Variants in NTRK2 observed in about 807,000 individuals in gnomAD.
NTRK2 encodes the protein neurotrophic receptor tyrosine kinase 2, also known as BDNF/NT-3 growth factors receptor.
NTRK2 carries 13 observed loss-of-function variants against 94.5 expected under a neutral mutation model. The observed-to-expected ratio is 0.14, with a 90% CI of 0.09 to 0.22. The LOEUF (loss-of-function observed/expected upper bound fraction) is 0.22. Ranked by LOEUF, NTRK2 falls within the 10% of genes least tolerant of loss-of-function variation. The probability of loss-of-function intolerance (pLI) is 1.00; values close to 1 mark genes in which losing one functional copy is unlikely to be tolerated. For synonymous variants in NTRK2, 372 were observed against 407.4 expected (o/e 0.91, Z 1.05); for missense variants, 639 against 1,071.2 (o/e 0.60, Z 5.63).
chr9:84,739,755 C>G (rs2132272839), intron 9 of NTRK2, among the ~76,000 whole-genome samples: 1 of 152,316 alleles, frequency 6.6e-6, no homozygotes, highest in South Asian at 2.1e-4. Context: ...AAAAAGCCCT[C>G]AGTCCTGGGC....
chr9:84,996,298 A>G (rs1829741574), intron 17 of NTRK2, among the ~76,000 whole-genome samples: 1 of 152,242 alleles, frequency 6.6e-6, no homozygotes, highest in Non-Finnish European at 1.5e-5. Flanking sequence ...AAGACTTGGC[A>G]GTGACCTCCA....
chr9:84,707,283 G>A (rs1008757946), intron 4 of NTRK2, among the ~76,000 whole-genome samples: 25 of 152,108 alleles, frequency 1.6e-4, no homozygotes, highest in African/African-American at 6.0e-4. Context: ...CCTAATTTTT[G>A]TTTGTTCTCA....
intron 12 of NTRK2, among the ~76,000 whole-genome samples, chr9:84,784,277 G>C (rs2067906183): frequency 6.6e-6 from 1 of 152,182 alleles, no homozygotes; most frequent in South Asian, 2.1e-4. Context: ...TACAAATAAT[G>C]CATAGTGATC....
At chr9:84,717,057 T>C (rs2061752024) in intron 6 of NTRK2, among the ~76,000 whole-genome samples, 1 of 152,260 alleles carries the variant, frequency 6.6e-6, no homozygotes, top group Non-Finnish European at 1.5e-5. Context: ...AGGGTTTTAG[T>C]ATTCTGTTGA....
chr9:84,935,848 A>G, intron 15 of NTRK2, among the ~76,000 whole-genome samples: 1 of 152,302 alleles, frequency 6.6e-6, no homozygotes, highest in Non-Finnish European at 1.5e-5. Context: ...TTTTCTTCTT[A>G]CTGTATCTTT....
At chr9:84,854,218 A>C (rs2074944536) in intron 12 of NTRK2, among the ~76,000 whole-genome samples, 2 of 152,020 alleles carry the variant, frequency 1.3e-5, no homozygotes, top group African/African-American at 4.8e-5. Context: ...GGATGGGATA[A>C]CTCTAAGGTT....
intron 9 of NTRK2, among the ~76,000 whole-genome samples, chr9:84,730,695 C>T (rs1162756504): frequency 5.1e-5 from 6 of 117,098 alleles, no homozygotes; most frequent in Admixed American, 8.8e-5. Flanking sequence ...GAGCCGAGAT[C>T]GCACCACTGC....
chr9:84,673,659 T>C (rs1019720521), intron 2 of NTRK2, among the ~76,000 whole-genome samples: 2 of 152,118 alleles, frequency 1.3e-5, no homozygotes, highest in Non-Finnish European at 2.9e-5. Context: ...TTAAAAAAAA[T>C]GTGTAGATTA....
intron 12 of NTRK2, among the ~76,000 whole-genome samples, chr9:84,764,779 G>A (rs905585700): frequency 5.3e-5 from 8 of 152,146 alleles, no homozygotes; most frequent in African/African-American, 1.9e-4. Flanking sequence ...TTGCAGCACT[G>A]TTCACAATAG....
intron 17 of NTRK2, among the ~76,000 whole-genome samples, chr9:84,982,104 A>G (rs1827698044): frequency 6.6e-6 from 1 of 152,218 alleles, no homozygotes. Context: ...TTTATTGGGT[A>G]GAATTATATT....
At chr9:84,719,021 T>A (rs2061889560) in intron 6 of NTRK2, among the ~76,000 whole-genome samples, 1 of 152,278 alleles carries the variant, frequency 6.6e-6, no homozygotes, top group South Asian at 2.1e-4. Flanking sequence ...TCTCTATAAA[T>A]AAAGGAGACT....
intron 2 of NTRK2, among the ~76,000 whole-genome samples, chr9:84,678,076 G>A (rs2059169846): frequency 6.6e-6 from 1 of 152,154 alleles, no homozygotes; most frequent in East Asian, 1.9e-4. Flanking sequence ...TGTTGTATGT[G>A]TGTACCGTGT....
chr9:84,734,900 T>C (rs965170587), intron 9 of NTRK2, among the ~76,000 whole-genome samples: 17 of 152,184 alleles, frequency 1.1e-4, no homozygotes, highest in African/African-American at 4.1e-4. Flanking sequence ...GACCCACCTT[T>C]CAGAGGGTGG....
At chr9:84,906,489 T>A (rs1450120418) in intron 14 of NTRK2, among the ~76,000 whole-genome samples, 2 of 152,114 alleles carry the variant, frequency 1.3e-5, no homozygotes, top group Non-Finnish European at 1.5e-5. Context: ...GGTTGGGAGG[T>A]CTGGTGGCGA....
At chr9:84,878,374 G>A (rs1014796185) in intron 14 of NTRK2, among the ~76,000 whole-genome samples, 6 of 152,028 alleles carry the variant, frequency 3.9e-5, no homozygotes, top group Admixed American at 1.3e-4. Flanking sequence ...GGTGGCTCGC[G>A]TCTGTAATCC....
chr9:84,675,491 G>A (rs527391278), intron 2 of NTRK2, among the ~76,000 whole-genome samples: 2 of 152,088 alleles, frequency 1.3e-5, no homozygotes, highest in South Asian at 4.1e-4. Flanking sequence ...TCTCTAGAGA[G>A]TTTCTTGTAG....
chr9:84,874,252 C>G (rs199738587), intron 14 of NTRK2: 1 of 1,065,504 alleles, frequency 9.4e-7, no homozygotes, highest in Non-Finnish European at 1.1e-6. Flanking sequence ...CTCCTGCTAC[C>G]CAGGTGCTTT....
chr9:84,962,983 G>A (rs562647307), intron 17 of NTRK2, among the ~76,000 whole-genome samples: 173 of 152,316 alleles, frequency 1.1e-3, no homozygotes, highest in African/African-American at 3.6e-3. Flanking sequence ...GTTCAGAAGC[G>A]GGCAATTTCT....
chr9:84,820,169 C>CTTTTTTT (rs902886137), intron 12 of NTRK2, among the ~76,000 whole-genome samples: 1 of 132,546 alleles, frequency 7.5e-6, no homozygotes. Flanking sequence ...TTCTTTCTTT[C>CTTTTTTT]TTTTTTTTTT....
Sources: allele counts gnomAD v4.1 joint callset (sites outside exome capture counted in the v4.1 genomes callset), GRCh38; gene constraint gnomAD v4.1.1; transcripts MANE v1.5; gene names NCBI Gene and HGNC (gene_info 2026-07-23, HGNC 2026-07-21).